LRRTM4: variants seen among roughly 807,000 people sequenced by gnomAD.
LRRTM4 encodes the protein leucine rich repeat transmembrane neuronal 4, also known as leucine-rich repeat transmembrane neuronal protein 4.
In LRRTM4, 25 loss-of-function variants were observed where a neutral mutation model predicts 47.6. That is an observed-to-expected ratio of 0.53 (90% CI 0.38 to 0.73). The LOEUF is 0.73. Ranked by LOEUF, LRRTM4 falls within the 30% of genes least tolerant of loss-of-function variation. LRRTM4 has a pLI of 0.00. For missense variants in LRRTM4, 638 were observed against 713.4 expected (o/e 0.89, Z 1.20); for synonymous variants, 311 against 269.5 (o/e 1.15, Z -1.51).
intron 3 of LRRTM4, among the ~76,000 whole-genome samples, chr2:77,319,596 C>T (rs1677728105): frequency 2.0e-5 from 3 of 152,136 alleles, no homozygotes; most frequent in African/African-American, 7.2e-5. Flanking sequence ...CCTTCTCCTA[C>T]ATCTTGTAAA....
Position 77,465,635 on chromosome 2 carries a change from T to C in LRRTM4, c.1551+52683A>G, listed in dbSNP as rs1221165858. Among the ~76,000 whole-genome samples the C allele has an allele frequency of 7.2e-5, 11 of 152,234 alleles. No homozygotes were observed. In the East Asian group the frequency reaches 2.1e-3, roughly 29 times the overall value. ...AGGAAAATTTCCGGGAATTTTATAA[T>C]ACAGAGAGGAATCTAAGATTCTCCA... is the stretch of plus-strand genomic sequence containing the variant. On this transcript the variant is annotated intron_variant, in intron 3 of 3. Transcript: ENST00000409884.
intron 3 of LRRTM4, among the ~76,000 whole-genome samples, chr2:76,919,845 G>A (rs1052361356): frequency 2.6e-5 from 4 of 152,042 alleles, no homozygotes; most frequent in South Asian, 2.1e-4. Context: ...TACATATGAC[G>A]GGTCTGTCTT....
chr2:77,518,101 A>C, intron 3 of LRRTM4: 1 of 1,278,992 alleles, frequency 7.8e-7, no homozygotes, highest in Non-Finnish European at 9.8e-7. Flanking sequence ...CTTATCCTTG[A>C]ATGAACTTCC....
chr2:77,496,813 G>C (rs138777225), intron 3 of LRRTM4, among the ~76,000 whole-genome samples: 3 of 151,632 alleles, frequency 2.0e-5, no homozygotes, highest in Admixed American at 2.0e-4. Flanking sequence ...GAATGAGTTG[G>C]AACGTGTTTC....
chr2:77,520,253 G>C (rs1208567094), intron 2 of LRRTM4, among the ~76,000 whole-genome samples: 5 of 151,950 alleles, frequency 3.3e-5, no homozygotes, highest in African/African-American at 1.2e-4. Context: ...CTCTGGTAAG[G>C]GCAAAAATGT....
At chr2:76,992,142 A>G (rs779323717) in intron 3 of LRRTM4, among the ~76,000 whole-genome samples, 2 of 151,850 alleles carry the variant, frequency 1.3e-5, no homozygotes, top group Non-Finnish European at 2.9e-5. Context: ...GACTCAAAAT[A>G]ATAAGAGCTA....
chr2:76,876,669 T>A (rs1183880364), intron 3 of LRRTM4, among the ~76,000 whole-genome samples: 1 of 152,002 alleles, frequency 6.6e-6, no homozygotes, highest in Non-Finnish European at 1.5e-5. Flanking sequence ...CATCCTACTT[T>A]CTTTATAAAT....
chr2:77,109,282 C>T (rs1006482168), intron 3 of LRRTM4, among the ~76,000 whole-genome samples: 2 of 151,980 alleles, frequency 1.3e-5, no homozygotes, highest in Admixed American at 6.6e-5. Context: ...GTTACATGAG[C>T]TTGAACACTG....
At chr2:77,356,382 G>A (rs1038078394) in intron 3 of LRRTM4, among the ~76,000 whole-genome samples, 5 of 152,006 alleles carry the variant, frequency 3.3e-5, no homozygotes, top group African/African-American at 4.8e-5. Context: ...AACTCAATGA[G>A]AAATAATAAC....
At chr2:76,807,481 T>TACAC (rs1162707586) in intron 3 of LRRTM4, among the ~76,000 whole-genome samples, 1 of 131,712 alleles carries the variant, frequency 7.6e-6, no homozygotes. Flanking sequence ...CATATATATA[T>TACAC]ATATACATAT....
intron 3 of LRRTM4, among the ~76,000 whole-genome samples, chr2:76,771,059 CCT>C (rs1329046496): frequency 1.3e-5 from 2 of 152,130 alleles, no homozygotes; most frequent in African/African-American, 4.8e-5. Context: ...TGATGTTATT[CCT>C]AGCTCCTTAA....
chr2:77,516,645 ACATCAAG>A (rs1679216766), intron 3 of LRRTM4: 2 of 982,990 alleles, frequency 2.0e-6, no homozygotes, highest in African/African-American at 3.5e-5. Context: ...TGCAATAAAA[ACATCAAG>A]CCTTGTTAGA....
chr2:76,897,483 T>A (rs1673462426), intron 3 of LRRTM4, among the ~76,000 whole-genome samples: 3 of 152,122 alleles, frequency 2.0e-5, no homozygotes, highest in Admixed American at 2.0e-4. Flanking sequence ...GCTATATAAG[T>A]GTATAATGTT....
At chr2:76,980,243 C>A (rs1484405176) in intron 3 of LRRTM4, among the ~76,000 whole-genome samples, 1 of 152,080 alleles carries the variant, frequency 6.6e-6, no homozygotes, top group East Asian at 1.9e-4. Flanking sequence ...AGTCTGATGA[C>A]AGTTGAGTCC....
intron 3 of LRRTM4, among the ~76,000 whole-genome samples, chr2:77,183,207 G>C (rs914971731): frequency 6.6e-6 from 1 of 152,074 alleles, no homozygotes; most frequent in South Asian, 2.1e-4. Context: ...CTAATATCCA[G>C]AATCTACAAT....
chr2:76,935,741 G>T (rs1213491352), intron 3 of LRRTM4, among the ~76,000 whole-genome samples: 2 of 152,096 alleles, frequency 1.3e-5, no homozygotes, highest in Non-Finnish European at 2.9e-5. Flanking sequence ...AGGAGATTTT[G>T]GGCTGAGACA....
chr2:76,795,287 T>C (rs1192680199), intron 3 of LRRTM4, among the ~76,000 whole-genome samples: 2 of 152,344 alleles, frequency 1.3e-5, no homozygotes, highest in African/African-American at 4.8e-5. Context: ...CATATACTTA[T>C]TGTGTACAAT....
chr2:77,133,216 T>C (rs1275206168), intron 3 of LRRTM4, among the ~76,000 whole-genome samples: 2 of 152,186 alleles, frequency 1.3e-5, no homozygotes, highest in African/African-American at 2.4e-5. Context: ...TTTTCAATTA[T>C]CTACAACAGA....
At chr2:77,280,575 G>A (rs371585258) in intron 3 of LRRTM4, among the ~76,000 whole-genome samples, 5 of 151,906 alleles carry the variant, frequency 3.3e-5, no homozygotes, top group African/African-American at 1.2e-4. Flanking sequence ...ATCACATAGC[G>A]GTTAAGGGTG....
Sources: allele counts gnomAD v4.1 joint callset (sites outside exome capture counted in the v4.1 genomes callset), GRCh38; gene constraint gnomAD v4.1.1; transcripts MANE v1.5; gene names NCBI Gene and HGNC (gene_info 2026-07-23, HGNC 2026-07-21).